The following KCNG2 variants were observed in gnomAD, a reference collection of about 807,000 sequenced individuals.
The protein encoded by KCNG2 is voltage-gated potassium channel regulatory subunit KCNG2.
Under a neutral mutation model 12.3 loss-of-function variants are expected in KCNG2, and 7 were observed. That is an observed-to-expected ratio of 0.57 (90% CI 0.32 to 1.07). The LOEUF (loss-of-function observed/expected upper bound fraction) is 1.07, where lower values mean the gene tolerates loss of function less well. KCNG2 is among the 50% of genes least tolerant of loss of function. The pLI is 0.04. For synonymous variants in KCNG2, 414 were observed against 351.4 expected, an observed-to-expected ratio of 1.18 and a Z score of -1.99; for missense variants, 703 against 726.0, an observed-to-expected ratio of 0.97 and a Z score of 0.36.
chr18:79,850,293 A>G (rs868299465), intron 1 of KCNG2, among the ~76,000 whole-genome samples: 1 of 152,234 alleles, frequency 6.6e-6, no homozygotes, highest in African/African-American at 2.4e-5. Context: ...TAAAGTTTGT[A>G]TAAAATTGGG....
At chr18:79,807,963 C>A (rs1286171862) in intron 1 of KCNG2, among the ~76,000 whole-genome samples, 3 of 94,736 alleles carry the variant, frequency 3.2e-5, no homozygotes, top group Admixed American at 1.0e-4. Flanking sequence ...GCTGCCGGGG[C>A]CGCGCTGACC....
intron 1 of KCNG2, among the ~76,000 whole-genome samples, chr18:79,817,011 G>T (rs1320827905): frequency 6.6e-6 from 1 of 151,924 alleles, no homozygotes; most frequent in African/African-American, 2.4e-5. Context: ...TTGTCACACG[G>T]CTGCCACACG....
intron 3 of KCNG2, among the ~76,000 whole-genome samples, chr18:79,891,981 G>T (rs990574826): frequency 3.9e-5 from 6 of 152,084 alleles, no homozygotes; most frequent in Admixed American, 1.3e-4. Flanking sequence ...TGGGCACAGT[G>T]GTGCAAGCCT....
In KCNG2 at chr18:79,823,235, G is replaced by A. The variant is rs533823071; in HGVS notation, c.-115+25221G>A. On this transcript the variant is annotated intron_variant, in intron 1 of 3. Transcript: ENST00000316249. ...CACGTGCCCCACCGTGTAGACACCCGCGTTTACTCAGCGACCTTGCTCTGT... is the reference window on the plus strand; with the variant it reads ...CACGTGCCCCACCGTGTAGACACCCACGTTTACTCAGCGACCTTGCTCTGT... 1.4e-3 allele frequency among the ~76,000 whole-genome samples: 218 copies of A among 152,300 alleles called. 1 individual carries two copies. Among genetic ancestry groups the A allele is most frequent in the African/African-American group, 5.1e-3 (210 of 41,562 alleles).
chr18:79,841,767 C>T (rs954970140), intron 1 of KCNG2, among the ~76,000 whole-genome samples: 4 of 152,118 alleles, frequency 2.6e-5, no homozygotes, highest in Non-Finnish European at 4.4e-5. Context: ...GTTTGAACAA[C>T]CATCCACACA....
At chr18:79,849,504 C>G (rs754971295) in intron 1 of KCNG2, among the ~76,000 whole-genome samples, 1 of 152,262 alleles carries the variant, frequency 6.6e-6, no homozygotes, top group Non-Finnish European at 1.5e-5. Context: ...CGCATCTGGA[C>G]AGGCCGCACC....
intron 1 of KCNG2, among the ~76,000 whole-genome samples, chr18:79,828,340 CAG>C (rs996417359): frequency 1.3e-5 from 2 of 152,170 alleles, no homozygotes; most frequent in African/African-American, 4.8e-5. Flanking sequence ...CTGCCTGTGT[CAG>C]TGTGTGCATG....
intron 1 of KCNG2, among the ~76,000 whole-genome samples, chr18:79,823,489 G>A (rs4799090): frequency 0.066 from 10,004 of 152,230 alleles, 626 homozygotes; most frequent in African/African-American, 0.16. Context: ...TTAAATTTTT[G>A]CCAGTCTCAT....
At chr18:79,877,881 G>A (rs528368948) in intron 3 of KCNG2, among the ~76,000 whole-genome samples, 5 of 152,364 alleles carry the variant, frequency 3.3e-5, no homozygotes, top group Admixed American at 2.0e-4. Context: ...GGCTGGTCAC[G>A]GTCCCTGTGC....
At chr18:79,842,205 G>A (rs1978480885) in intron 1 of KCNG2, among the ~76,000 whole-genome samples, 1 of 152,196 alleles carries the variant, frequency 6.6e-6, no homozygotes. Flanking sequence ...GCCTACTCAT[G>A]CAGACCCAAA....
chr18:79,824,007 T>C (rs150323536), intron 1 of KCNG2, among the ~76,000 whole-genome samples: 1 of 152,200 alleles, frequency 6.6e-6, no homozygotes, highest in African/African-American at 2.4e-5. Flanking sequence ...TTTCATCAAT[T>C]TAATTTAATT....
intron 1 of KCNG2, among the ~76,000 whole-genome samples, chr18:79,804,420 C>G (rs923095143): frequency 2.6e-5 from 4 of 152,366 alleles, no homozygotes; most frequent in Non-Finnish European, 4.4e-5. Flanking sequence ...CCTGGGACTC[C>G]TGGCTGGAGC....
At chr18:79,853,978 GT>G (rs999341339) in intron 1 of KCNG2, among the ~76,000 whole-genome samples, 2 of 152,394 alleles carry the variant, frequency 1.3e-5, no homozygotes, top group African/African-American at 4.8e-5. Flanking sequence ...GCACAGACCA[GT>G]TTCCAGTGGA....
intron 1 of KCNG2, among the ~76,000 whole-genome samples, chr18:79,829,321 T>C (rs1978289791): frequency 1.3e-5 from 2 of 151,924 alleles, no homozygotes; most frequent in African/African-American, 4.8e-5. Flanking sequence ...TGTGTGTACA[T>C]GTGTCTGTGT....
intron 1 of KCNG2, among the ~76,000 whole-genome samples, chr18:79,845,398 A>G (rs1978589571): frequency 6.6e-6 from 1 of 152,194 alleles, no homozygotes; most frequent in Admixed American, 6.5e-5. Flanking sequence ...TGGGGAGGCT[A>G]CCACGGGGAA....
chr18:79,847,374 C>G (rs992847374), intron 1 of KCNG2, among the ~76,000 whole-genome samples: 23 of 152,310 alleles, frequency 1.5e-4, no homozygotes, highest in African/African-American at 5.5e-4. Context: ...CATCCCCAGT[C>G]AAGACAATCA....
At chr18:79,834,879 T>C (rs535511911) in intron 1 of KCNG2, among the ~76,000 whole-genome samples, 1 of 152,262 alleles carries the variant, frequency 6.6e-6, no homozygotes, top group South Asian at 2.1e-4. Flanking sequence ...CCGAATAAAC[T>C]CAGGAGCCAT....
At position 79,899,392 on chromosome 18, in the gene KCNG2, T is replaced by A; in HGVS notation, c.977T>A (p.Leu326Gln). ...TGCGCGCGCGAGTTCGGGCTGCTGC[T>A]GCTGTTCCTCTGCGTGGCCATGGCG... is the stretch of plus-strand genomic sequence containing the variant. Reference protein sequence around the residue: ...RRCAREFGLLLLFLCVAMALF... With the variant: ...RRCAREFGLLQLFLCVAMALF... Residue 326 changes from leucine (L) to glutamine (Q), a missense_variant, in exon 4 of 4, where the codon CTG becomes CAG. Leu to Gln is a moderately radical substitution (Grantham distance 113, BLOSUM62 -2). Transcript: ENST00000316249. 6.3e-7 allele frequency: 1 copy of A among 1,575,756 alleles called. No homozygotes were observed. Among genetic ancestry groups the A allele is most frequent in the South Asian group, 1.1e-5 (1 of 87,572 alleles).
chr18:79,878,335 GC>G (rs776246743), intron 3 of KCNG2, among the ~76,000 whole-genome samples: 2 of 51,956 alleles, frequency 3.8e-5, no homozygotes, highest in African/African-American at 1.0e-4. Context: ...GGCGCCTGAT[GC>G]CCACGTGGCA....
Sources: gnomAD v4.1 joint callset for allele counts (sites outside exome capture counted in the v4.1 genomes callset) on GRCh38, gnomAD v4.1.1 for gene constraint, MANE v1.5 for transcripts, NCBI Gene and HGNC (gene_info 2026-07-23, HGNC 2026-07-21) for gene names.